DPP10: variants seen among roughly 807,000 people sequenced by gnomAD.
The protein encoded by DPP10 is inactive dipeptidyl peptidase 10.
A neutral mutation model predicts 120.9 loss-of-function variants in DPP10; 33 were observed. The observed-to-expected ratio is 0.27, with a 90% CI of 0.21 to 0.37. The LOEUF (loss-of-function observed/expected upper bound fraction) is 0.37. Ranked by LOEUF, DPP10 falls within the 10% of genes least tolerant of loss-of-function variation. The probability of loss-of-function intolerance (pLI) is 1.00; values close to 1 mark genes in which losing one functional copy is unlikely to be tolerated. For synonymous variants in DPP10, 337 were observed against 326.1 expected (o/e 1.03, Z -0.36); for missense variants, 816 against 942.8 (o/e 0.87, Z 1.76).
intron 1 of DPP10, among the ~76,000 whole-genome samples, chr2:114,519,857 AC>A (rs1684905889): frequency 6.6e-6 from 1 of 152,248 alleles, no homozygotes; most frequent in Non-Finnish European, 1.5e-5. Context: ...TTAGAAGTCT[AC>A]AAAATATACC....
chr2:115,541,194 T>C (rs1048752333), intron 5 of DPP10, among the ~76,000 whole-genome samples: 1 of 151,910 alleles, frequency 6.6e-6, no homozygotes, highest in Non-Finnish European at 1.5e-5. Flanking sequence ...AATTGTGGTA[T>C]TTGTTTTCAG....
At chr2:115,749,001 G>C (rs1329848599) in intron 10 of DPP10, among the ~76,000 whole-genome samples, 1 of 152,090 alleles carries the variant, frequency 6.6e-6, no homozygotes, top group Non-Finnish European at 1.5e-5. Context: ...CTGAATCACA[G>C]TCTGTATTGA....
intron 2 of DPP10, among the ~76,000 whole-genome samples, chr2:115,335,217 A>C (rs1044016579): frequency 6.6e-6 from 1 of 151,910 alleles, no homozygotes; most frequent in Non-Finnish European, 1.5e-5. Context: ...TATTTCAGTC[A>C]CCTCCCACTG....
At chr2:115,697,036 G>A (rs1275766060) in intron 7 of DPP10, among the ~76,000 whole-genome samples, 1 of 151,990 alleles carries the variant, frequency 6.6e-6, no homozygotes, top group East Asian at 1.9e-4. Context: ...ACTTTATGAT[G>A]TTGCATGGAA....
chr2:114,750,023 A>G (rs1286235765), intron 1 of DPP10, among the ~76,000 whole-genome samples: 1 of 152,184 alleles, frequency 6.6e-6, no homozygotes, highest in Admixed American at 6.5e-5. Flanking sequence ...TGGTAGAAAT[A>G]TGTGTATTTT....
intron 3 of DPP10, among the ~76,000 whole-genome samples, chr2:115,429,699 T>G (rs2070796036): frequency 6.6e-6 from 1 of 151,296 alleles, no homozygotes; most frequent in Admixed American, 6.6e-5. Flanking sequence ...CTTCGTTTGG[T>G]TCACTTTGTC....
chr2:115,551,273 A>G (rs1041330555), intron 5 of DPP10, among the ~76,000 whole-genome samples: 3 of 152,156 alleles, frequency 2.0e-5, no homozygotes, highest in African/African-American at 7.2e-5. Flanking sequence ...AATGAATAGT[A>G]TAAGGAGTAC....
chr2:115,062,757 A>G (rs1195901046), intron 1 of DPP10, among the ~76,000 whole-genome samples: 1 of 152,180 alleles, frequency 6.6e-6, no homozygotes, highest in Non-Finnish European at 1.5e-5. Flanking sequence ...TCCATGGTGT[A>G]TATGTACCAC....
At chr2:114,497,257 G>GTGTGTATACATGTACATGTATA (rs1682655419) in intron 1 of DPP10, among the ~76,000 whole-genome samples, 2 of 102,708 alleles carry the variant, frequency 1.9e-5, no homozygotes, top group East Asian at 2.6e-4. Flanking sequence ...ATGCATGTAC[G>GTGTGTATACATGTACATGTATA]TGTGTATACA....
chr2:115,412,100 A>G (rs1417498177), intron 3 of DPP10, among the ~76,000 whole-genome samples: 2 of 151,978 alleles, frequency 1.3e-5, no homozygotes, highest in Non-Finnish European at 2.9e-5. Context: ...GGGAAATGAG[A>G]TTTTCCTCCA....
At chr2:115,097,722 A>G (rs1329239542) in intron 1 of DPP10, among the ~76,000 whole-genome samples, 2 of 152,216 alleles carry the variant, frequency 1.3e-5, no homozygotes, top group African/African-American at 4.8e-5. Flanking sequence ...TGATTAGGTA[A>G]CCTTAAGTGA....
intron 1 of DPP10, among the ~76,000 whole-genome samples, chr2:114,891,130 GA>G (rs1318694242): frequency 6.6e-6 from 1 of 152,026 alleles, no homozygotes; most frequent in Non-Finnish European, 1.5e-5. Context: ...TCCAAAGCAT[GA>G]AAGAATGCTC....
intron 1 of DPP10, among the ~76,000 whole-genome samples, chr2:114,609,107 G>A (rs564132496): frequency 3.9e-5 from 6 of 152,216 alleles, no homozygotes; most frequent in Middle Eastern, 3.4e-3. Flanking sequence ...TTGATGAACC[G>A]TCACTTTCAT....
intron 5 of DPP10, among the ~76,000 whole-genome samples, chr2:115,679,128 G>T (rs1575507443): frequency 6.6e-6 from 1 of 152,300 alleles, no homozygotes; most frequent in Middle Eastern, 3.4e-3. Flanking sequence ...ATGCTGGAAT[G>T]AGTTAAGACT....
At chr2:115,211,077 A>T (rs2056479222) in intron 1 of DPP10, among the ~76,000 whole-genome samples, 1 of 152,144 alleles carries the variant, frequency 6.6e-6, no homozygotes, top group African/African-American at 2.4e-5. Flanking sequence ...TTTTTGTATT[A>T]TATTTTAAAG....
At chr2:114,449,474 T>C (rs1040523953) in intron 1 of DPP10, among the ~76,000 whole-genome samples, 10 of 152,042 alleles carry the variant, frequency 6.6e-5, no homozygotes, top group Non-Finnish European at 1.5e-4. Context: ...TTTTTCTTTT[T>C]TTTTTTTTTT....
Position 115,836,519 on chromosome 2 carries a change from C to T in DPP10, c.2063C>T (p.Ser688Phe). ...TDLKLYASAFSERYLGMPSKE... is the reference protein window; with the variant it reads ...TDLKLYASAFFERYLGMPSKE... ...TCTTGGGTCACAGCCTCAGCTTTCT[C>T]TGAAAGATACCTTGGGATGCCATCT... The change falls in exon 23 of 26, where the codon TCT becomes TTT. Residue 688 changes from serine to phenylalanine, a missense_variant. Ser to Phe is a radical substitution (Grantham distance 155). Transcript: ENST00000410059. 6.2e-7 allele frequency: 1 copy of T among 1,613,542 alleles called. No individual in the cohort carries two copies. Among genetic ancestry groups the T allele is most frequent in the South Asian group, 1.1e-5 (1 of 90,908 alleles).
At chr2:115,522,433 C>T (rs2077868385) in intron 4 of DPP10, among the ~76,000 whole-genome samples, 1 of 152,146 alleles carries the variant, frequency 6.6e-6, no homozygotes, top group Admixed American at 6.6e-5. Context: ...GCTTGTTGTA[C>T]AGTGAATGTT....
chr2:115,770,424 T>C (rs1332187793), intron 13 of DPP10, among the ~76,000 whole-genome samples: 1 of 152,136 alleles, frequency 6.6e-6, no homozygotes, highest in Non-Finnish European at 1.5e-5. Flanking sequence ...AACACAGCCT[T>C]CATTGAAGTA....
Sources: gnomAD v4.1 joint callset for allele counts (sites outside exome capture counted in the v4.1 genomes callset) on GRCh38, gnomAD v4.1.1 for gene constraint, MANE v1.5 for transcripts, NCBI Gene and HGNC (gene_info 2026-07-23, HGNC 2026-07-21) for gene names.